The following NPAS3 variants were observed in gnomAD, a reference collection of about 807,000 sequenced individuals.
NPAS3 encodes the protein neuronal PAS domain protein 3, also known as neuronal PAS domain-containing protein 3.
A neutral mutation model predicts 73.1 loss-of-function variants in NPAS3; 14 were observed. The ratio of observed to expected loss-of-function variants is 0.19; its 90% CI spans 0.13 to 0.30. The LOEUF (loss-of-function observed/expected upper bound fraction) is 0.30. NPAS3 is among the 10% of genes least tolerant of loss of function. The pLI, the probability that NPAS3 is intolerant of heterozygous loss-of-function variation, is 1.00. For missense variants in NPAS3, 1,096 were observed against 1,250.0 expected (o/e 0.88, Z 1.86); for synonymous variants, 620 against 541.5 (o/e 1.14, Z -2.01).
chr14:33,477,879 G>T (rs769409610), intron 4 of NPAS3, among the ~76,000 whole-genome samples: 5 of 152,182 alleles, frequency 3.3e-5, no homozygotes, highest in Non-Finnish European at 7.3e-5. Context: ...TGCTTCTTCT[G>T]TGGTCATTAT....
chr14:33,484,276 G>A (rs1045963514), intron 4 of NPAS3, among the ~76,000 whole-genome samples: 4 of 152,156 alleles, frequency 2.6e-5, no homozygotes, highest in Non-Finnish European at 4.4e-5. Flanking sequence ...GAACTATGTA[G>A]GAAGCACTAT....
intron 5 of NPAS3, among the ~76,000 whole-genome samples, chr14:33,577,647 C>A (rs1461811754): frequency 6.6e-6 from 1 of 152,180 alleles, no homozygotes; most frequent in Non-Finnish European, 1.5e-5. Flanking sequence ...AGTACTGAGA[C>A]TTATTCTCCT....
chr14:33,752,030 C>T (rs1190220864), intron 7 of NPAS3, among the ~76,000 whole-genome samples: 4 of 152,090 alleles, frequency 2.6e-5, no homozygotes, highest in African/African-American at 9.7e-5. Context: ...CTCTCCTTCT[C>T]CCCAAAAAAT....
At chr14:32,989,680 C>CA (rs11333221) in intron 1 of NPAS3, among the ~76,000 whole-genome samples, 10 of 151,250 alleles carry the variant, frequency 6.6e-5, no homozygotes, top group East Asian at 1.9e-4. Flanking sequence ...CAAAACAAAA[C>CA]AAAAAAAACC....
chr14:33,258,489 A>G (rs1341618549), intron 3 of NPAS3, among the ~76,000 whole-genome samples: 1 of 152,216 alleles, frequency 6.6e-6, no homozygotes, highest in African/African-American at 2.4e-5. Context: ...ACGTAGTGTT[A>G]TGTTGTAGGA....
intron 1 of NPAS3, among the ~76,000 whole-genome samples, chr14:32,943,949 C>T (rs2036145920): frequency 6.6e-6 from 1 of 152,184 alleles, no homozygotes; most frequent in Non-Finnish European, 1.5e-5. Context: ...CTCAGCCTCC[C>T]AAAGTGCTGG....
chr14:33,078,709 A>G (rs2138703004), intron 2 of NPAS3, among the ~76,000 whole-genome samples: 1 of 152,338 alleles, frequency 6.6e-6, no homozygotes, highest in South Asian at 2.1e-4. Context: ...AAGTCTATTC[A>G]TATTTAAGAT....
chr14:33,765,085 T>TG (rs892592231), intron 7 of NPAS3, among the ~76,000 whole-genome samples: 8 of 152,056 alleles, frequency 5.3e-5, no homozygotes, highest in African/African-American at 1.7e-4. Flanking sequence ...AGGAAGCTAA[T>TG]GGGGGGGCCA....
At chr14:32,959,976 A>ATT (rs61262665) in intron 1 of NPAS3, among the ~76,000 whole-genome samples, 7 of 131,334 alleles carry the variant, frequency 5.3e-5, no homozygotes, top group Admixed American at 1.5e-4. Flanking sequence ...GTGAGTTTCA[A>ATT]TTTTTTTTTT....
At chr14:33,715,437 C>A (rs998081190) in intron 6 of NPAS3, among the ~76,000 whole-genome samples, 3 of 152,072 alleles carry the variant, frequency 2.0e-5, no homozygotes, top group Non-Finnish European at 2.9e-5. Flanking sequence ...ATTAAATGAG[C>A]ATTGGGCTGG....
At chr14:32,938,242 G>C (rs2035763062), upstream of NPAS3, among the ~76,000 whole-genome samples, 1 of 152,026 alleles carries the variant, frequency 6.6e-6, no homozygotes, top group South Asian at 2.1e-4. Context: ...CCATCTGCTT[G>C]GGCCAGCGCA....
chr14:32,950,713 G>T (rs1476687699), intron 1 of NPAS3, among the ~76,000 whole-genome samples: 1 of 152,070 alleles, frequency 6.6e-6, no homozygotes, highest in Non-Finnish European at 1.5e-5. Context: ...TATTGATGTG[G>T]CTGCATAGCA....
At chr14:33,455,002 TCAGGCAAGGGGCCAC>T (rs1358055914) in intron 4 of NPAS3, among the ~76,000 whole-genome samples, 3 of 152,186 alleles carry the variant, frequency 2.0e-5, no homozygotes, top group Middle Eastern at 3.2e-3. Context: ...CTGGCTTCCA[TCAGGCAAGGGGCCAC>T]CAGGCAAGAC....
chr14:33,452,007 C>T (rs532023748), intron 4 of NPAS3, among the ~76,000 whole-genome samples: 1 of 152,126 alleles, frequency 6.6e-6, no homozygotes, highest in Non-Finnish European at 1.5e-5. Flanking sequence ...ATATTAAAAT[C>T]TATGGTTCTT....
chr14:33,685,058 G>C (rs1047436900), intron 6 of NPAS3, among the ~76,000 whole-genome samples: 1 of 152,138 alleles, frequency 6.6e-6, no homozygotes, highest in Non-Finnish European at 1.5e-5. Context: ...TTTCATTCAC[G>C]ATTCAGACCC....
At chr14:33,185,268 T>C (rs547315913) in intron 2 of NPAS3, among the ~76,000 whole-genome samples, 3 of 152,322 alleles carry the variant, frequency 2.0e-5, no homozygotes, top group South Asian at 4.1e-4. Context: ...TATCCCATAT[T>C]TGTGGCGTTA....
At chr14:33,610,186 A>G (rs2057706504) in intron 5 of NPAS3, among the ~76,000 whole-genome samples, 1 of 152,218 alleles carries the variant, frequency 6.6e-6, no homozygotes, top group South Asian at 2.1e-4. Flanking sequence ...AAATTCATTA[A>G]TAAAAAGGAA....
downstream of NPAS3, chr14:33,803,586 G>T (rs1437045886): frequency 6.6e-6 from 1 of 151,986 alleles, no homozygotes; most frequent in Non-Finnish European, 1.5e-5. Context: ...ACAAAGAACA[G>T]CTAGACAGCT....
intron 1 of NPAS3, among the ~76,000 whole-genome samples, chr14:32,970,915 G>C (rs762075244): frequency 6.6e-6 from 1 of 152,010 alleles, no homozygotes; most frequent in Non-Finnish European, 1.5e-5. Context: ...AGTAGGGACT[G>C]GGGGTTAGAA....
Sources: allele counts gnomAD v4.1 joint callset (sites outside exome capture counted in the v4.1 genomes callset), GRCh38; gene constraint gnomAD v4.1.1; transcripts MANE v1.5; gene names NCBI Gene and HGNC (gene_info 2026-07-23, HGNC 2026-07-21).